SNX18: variants seen among roughly 807,000 people sequenced by gnomAD.
SNX18 encodes the protein sorting nexin-18.
Under a neutral mutation model 48.7 loss-of-function variants are expected in SNX18, and 35 were observed. That is an observed-to-expected ratio of 0.72 (90% confidence interval 0.55 to 0.95). The LOEUF (loss-of-function observed/expected upper bound fraction) is 0.95. Among genes scored for constraint, SNX18 ranks in the 40% least tolerant of loss-of-function variants. The pLI is 0.00. For synonymous variants in SNX18, 492 were observed against 384.7 expected (o/e 1.28, Z -3.26); for missense variants, 824 against 871.0 (o/e 0.95, Z 0.68).
chr5:54,640,865 G>A, the SNX18 span, among the ~76,000 whole-genome samples: 1 of 152,250 alleles, frequency 6.6e-6, no homozygotes, highest in South Asian at 2.1e-4. Context: ...CTCAAGACCG[G>A]CCTGGTCAAC....
chr5:54,551,463 T>C (rs796456869), downstream of SNX18, among the ~76,000 whole-genome samples: 17 of 152,394 alleles, frequency 1.1e-4, no homozygotes, highest in African/African-American at 4.1e-4. Flanking sequence ...ACTTTTGTGA[T>C]GGCATTTTGC....
the SNX18 span, among the ~76,000 whole-genome samples, chr5:54,551,648 A>T: frequency 1.3e-5 from 2 of 152,348 alleles, no homozygotes; most frequent in East Asian, 3.9e-4. Context: ...TAATGGTCAC[A>T]TAAAGCGGCA....
the SNX18 span, among the ~76,000 whole-genome samples, chr5:54,647,681 A>T: frequency 6.6e-6 from 1 of 152,242 alleles, no homozygotes; most frequent in Non-Finnish European, 1.5e-5. Context: ...AGATTCCCAG[A>T]AAATGAGTGA....
At position 54,543,458 on chromosome 5, in the gene SNX18, T is replaced by C. The variant is rs1561122962; in HGVS notation, c.*26T>C. On this transcript the variant is annotated 3_prime_UTR_variant, in exon 2 of 2. Coordinates refer to ENST00000381410, the MANE Select transcript of SNX18 (RefSeq NM_001102575.2). ...TGACTGGACGTTGGATTATGGACTT[T>C]TTCAGTTCAAGGATAATTTCTACAG... The C allele has an allele frequency of 6.2e-7, 1 of 1,605,406 alleles. No homozygotes were observed. The highest frequency in any genetic ancestry group is 8.5e-7 in the Non-Finnish European group (1 of 1,174,914).
At chr5:54,607,856 C>G in the SNX18 span, among the ~76,000 whole-genome samples, 1 of 152,028 alleles carries the variant, frequency 6.6e-6, no homozygotes, top group South Asian at 2.1e-4. Context: ...ATTGCTTGAA[C>G]CTGGGAGGCA....
the SNX18 span, among the ~76,000 whole-genome samples, chr5:54,640,642 TGA>T: frequency 6.6e-6 from 1 of 152,182 alleles, no homozygotes. Context: ...AACCTCTCTT[TGA>T]CCATCATAAT....
chr5:54,600,246 T>C, the SNX18 span, among the ~76,000 whole-genome samples: 2 of 151,918 alleles, frequency 1.3e-5, no homozygotes, highest in Admixed American at 6.6e-5. Flanking sequence ...CACCAATCAT[T>C]AGAGAAATGC....
chr5:54,550,430 T>G (rs570655893), downstream of SNX18, among the ~76,000 whole-genome samples: 4 of 152,256 alleles, frequency 2.6e-5, no homozygotes, highest in South Asian at 8.3e-4. Flanking sequence ...ACTGTAGGTA[T>G]CTATCATTTT....
the SNX18 span, among the ~76,000 whole-genome samples, chr5:54,593,603 A>G: frequency 6.6e-6 from 1 of 152,252 alleles, no homozygotes; most frequent in African/African-American, 2.4e-5. Context: ...AATTTGAGAA[A>G]GATGAACGAA....
chr5:54,603,771 A>G, the SNX18 span, among the ~76,000 whole-genome samples: 2 of 152,218 alleles, frequency 1.3e-5, no homozygotes, highest in Non-Finnish European at 2.9e-5. Flanking sequence ...TTATCAGGTC[A>G]ATCCTACTGA....
the SNX18 span, among the ~76,000 whole-genome samples, chr5:54,589,937 A>C: frequency 6.6e-6 from 1 of 152,200 alleles, no homozygotes; most frequent in Non-Finnish European, 1.5e-5. Flanking sequence ...CTACAGGCAC[A>C]CACAACCATG....
At chr5:54,601,255 C>T in the SNX18 span, among the ~76,000 whole-genome samples, 1 of 152,044 alleles carries the variant, frequency 6.6e-6, no homozygotes, top group African/African-American at 2.4e-5. Context: ...TTTTGTAGAT[C>T]CAGTTGTTAA....
chr5:54,528,519 T>G (rs533404732), intron 1 of SNX18, among the ~76,000 whole-genome samples: 1 of 152,308 alleles, frequency 6.6e-6, no homozygotes, highest in Non-Finnish European at 1.5e-5. Flanking sequence ...ACAGTGTGAC[T>G]TTTGGAGGAG....
chr5:54,626,827 A>G, the SNX18 span, among the ~76,000 whole-genome samples: 1 of 152,252 alleles, frequency 6.6e-6, no homozygotes, highest in African/African-American at 2.4e-5. Context: ...ATAGCAAACT[A>G]CAGTGGGAGG....
At chr5:54,527,314 G>A (rs1762149441) in intron 1 of SNX18, among the ~76,000 whole-genome samples, 1 of 151,950 alleles carries the variant, frequency 6.6e-6, no homozygotes. Context: ...AGATGCTGGT[G>A]GCCTGGACCA....
the SNX18 span, among the ~76,000 whole-genome samples, chr5:54,590,562 G>A: frequency 1.2e-4 from 18 of 152,162 alleles, no homozygotes; most frequent in Non-Finnish European, 1.6e-4. Context: ...TGTGGATTTC[G>A]CCCTGGTCAG....
chr5:54,559,304 T>C, the SNX18 span, among the ~76,000 whole-genome samples: 112,109 of 152,070 alleles, frequency 0.74, 41,769 homozygotes, highest in Non-Finnish European at 0.79. Context: ...GGAGGCATCA[T>C]GCTACCCAAC....
At chr5:54,636,627 C>A in the SNX18 span, among the ~76,000 whole-genome samples, 39 of 152,280 alleles carry the variant, frequency 2.6e-4, no homozygotes, top group African/African-American at 9.4e-4. Context: ...ACTACAATTT[C>A]TATTCCTAGA....
the SNX18 span, among the ~76,000 whole-genome samples, chr5:54,558,765 G>T: frequency 1.3e-5 from 2 of 152,010 alleles, no homozygotes; most frequent in African/African-American, 4.8e-5. Context: ...TTCCTTATTT[G>T]GGGACTACAG....
Sources: allele counts gnomAD v4.1 joint callset (sites outside exome capture counted in the v4.1 genomes callset), GRCh38; gene constraint gnomAD v4.1.1; transcripts MANE v1.5; gene names NCBI Gene and HGNC (gene_info 2026-07-23, HGNC 2026-07-21).